MEMO1: variants seen among roughly 807,000 people sequenced by gnomAD.
The protein encoded by MEMO1 is mediator of cell motility 1, also known as protein MEMO1.
A neutral mutation model predicts 45.2 loss-of-function variants in MEMO1; 6 were observed. That is an observed-to-expected ratio of 0.13 (90% CI 0.07 to 0.26). The LOEUF (loss-of-function observed/expected upper bound fraction) is 0.26. Ranked by LOEUF, MEMO1 falls within the 10% of genes least tolerant of loss-of-function variation. MEMO1 has a pLI of 1.00. For synonymous variants in MEMO1, 78 were observed against 124.3 expected (o/e 0.63, Z 2.48); for missense variants, 184 against 370.5 (o/e 0.50, Z 4.13).
At chr2:31,916,329 A>C (rs1681439785) in intron 6 of MEMO1, among the ~76,000 whole-genome samples, 1 of 152,030 alleles carries the variant, frequency 6.6e-6, no homozygotes, top group African/African-American at 2.4e-5. Context: ...CCCAGGCTCA[A>C]GCAATCATCC....
intron 2 of MEMO1, among the ~76,000 whole-genome samples, chr2:31,972,864 T>C (rs563071234): frequency 6.6e-6 from 1 of 152,278 alleles, no homozygotes; most frequent in South Asian, 2.1e-4. Flanking sequence ...TAGACATTTC[T>C]CCAAGGAAGA....
At chr2:31,919,026 T>C (rs920112080) in intron 5 of MEMO1, among the ~76,000 whole-genome samples, 3 of 152,082 alleles carry the variant, frequency 2.0e-5, no homozygotes, top group African/African-American at 7.2e-5. Flanking sequence ...ATTGCTAATA[T>C]TGTGTGATAC....
intron 3 of MEMO1, among the ~76,000 whole-genome samples, chr2:31,937,557 T>C (rs1276719057): frequency 6.6e-6 from 1 of 152,208 alleles, no homozygotes; most frequent in East Asian, 1.9e-4. Context: ...AAACTTGTCT[T>C]CTATATACAC....
At chr2:31,923,752 A>T (rs1396255570) in intron 4 of MEMO1, 1 of 1,525,730 alleles carries the variant, frequency 6.6e-7, no homozygotes, top group Non-Finnish European at 8.8e-7. Flanking sequence ...ACACAGTCAA[A>T]ATATGAAGTG....
chr2:32,009,889 G>A (rs1435869803), intron 2 of MEMO1, among the ~76,000 whole-genome samples: 1 of 151,996 alleles, frequency 6.6e-6, no homozygotes, highest in African/African-American at 2.4e-5. Context: ...CCTTCCTCGA[G>A]CCTGGTCCTG....
intron 2 of MEMO1, among the ~76,000 whole-genome samples, chr2:31,986,543 T>G (rs1175350292): frequency 1.3e-5 from 2 of 152,218 alleles, no homozygotes; most frequent in Non-Finnish European, 2.9e-5. Context: ...AATAATTTTC[T>G]TTCATATATC....
rs571174166 is a variant in MEMO1 at position 31,886,005 on chromosome 2, A to G, written c.581-2543T>C. On this transcript the variant is annotated intron_variant, in intron 7 of 9. Coordinates refer to ENST00000404530, the MANE Select transcript of MEMO1 (RefSeq NM_001301833.4). ...TTTCACTTTTTAAAAACTGCTTCTG[A>G]AGGAAAAAAAGAGGAAATGTTTGAA... 3.9e-5 allele frequency among the ~76,000 whole-genome samples: 6 copies of G among 152,324 alleles called. No individual in the cohort carries two copies. The South Asian group carries it at 1.2e-3, about 32-fold the overall frequency.
chr2:31,910,636 G>A (rs761272151), intron 6 of MEMO1, among the ~76,000 whole-genome samples: 2 of 152,114 alleles, frequency 1.3e-5, no homozygotes, highest in African/African-American at 4.8e-5. Flanking sequence ...AAGACAGGAG[G>A]ATCACTTGAG....
At chr2:31,873,419 A>C (rs981646999) in intron 8 of MEMO1, among the ~76,000 whole-genome samples, 1 of 152,176 alleles carries the variant, frequency 6.6e-6, no homozygotes, top group African/African-American at 2.4e-5. Context: ...TGACTCTTCA[A>C]GTAATCAGTG....
chr2:31,929,898 T>A (rs1373181872), intron 4 of MEMO1, among the ~76,000 whole-genome samples: 1 of 152,246 alleles, frequency 6.6e-6, no homozygotes, highest in Non-Finnish European at 1.5e-5. Context: ...CTGTCAATTA[T>A]TAATTTTACA....
At chr2:31,890,880 G>A (rs1446950791) in intron 7 of MEMO1, among the ~76,000 whole-genome samples, 3 of 152,252 alleles carry the variant, frequency 2.0e-5, no homozygotes, top group African/African-American at 7.2e-5. Context: ...ATTATCAAAT[G>A]CCCCTGAGAG....
At chr2:31,999,291 C>T (rs902552135) in intron 2 of MEMO1, among the ~76,000 whole-genome samples, 1 of 152,104 alleles carries the variant, frequency 6.6e-6, no homozygotes, top group African/African-American at 2.4e-5. Flanking sequence ...TCACAGCAGC[C>T]AAGTAATTAT....
At chr2:31,933,353 ATATAT>A (rs1558514404) in intron 3 of MEMO1, among the ~76,000 whole-genome samples, 8 of 16,492 alleles carry the variant, frequency 4.9e-4, no homozygotes, top group South Asian at 3.2e-3. Flanking sequence ...AAAAAAATTT[ATATAT>A]ATATATATAT....
chr2:31,915,243 G>C (rs1681255475), intron 6 of MEMO1, among the ~76,000 whole-genome samples: 1 of 152,136 alleles, frequency 6.6e-6, no homozygotes, highest in Admixed American at 6.5e-5. Context: ...GTCATAGCAA[G>C]TAAGATTTCT....
At chr2:31,889,446 T>G (rs1305276780) in intron 7 of MEMO1, among the ~76,000 whole-genome samples, 8 of 152,072 alleles carry the variant, frequency 5.3e-5, no homozygotes, top group African/African-American at 1.9e-4. Flanking sequence ...AACCATTAAG[T>G]ATTATCTTCA....
At chr2:31,978,435 T>C (rs1001541940) in intron 2 of MEMO1, among the ~76,000 whole-genome samples, 2 of 152,118 alleles carry the variant, frequency 1.3e-5, no homozygotes, top group Non-Finnish European at 2.9e-5. Flanking sequence ...GCCTGGCATA[T>C]AGTAAAGGTT....
intron 6 of MEMO1, among the ~76,000 whole-genome samples, chr2:31,910,379 A>AT (rs1280818039): frequency 6.6e-6 from 1 of 152,164 alleles, no homozygotes; most frequent in Non-Finnish European, 1.5e-5. Flanking sequence ...ATTTTATTTC[A>AT]TTTTTTTCTT....
At chr2:31,899,860 G>A (rs971483486) in intron 6 of MEMO1, among the ~76,000 whole-genome samples, 34 of 152,302 alleles carry the variant, frequency 2.2e-4, no homozygotes, top group Admixed American at 3.9e-4. Context: ...CCATCAAAAA[G>A]TAGGCTAAAG....
chr2:31,983,591 T>C (rs750647875), intron 2 of MEMO1, among the ~76,000 whole-genome samples: 5 of 152,018 alleles, frequency 3.3e-5, no homozygotes, highest in African/African-American at 9.7e-5. Flanking sequence ...TGCACCACCA[T>C]ACCCGGCTAA....
Sources: gnomAD v4.1 joint callset for allele counts (sites outside exome capture counted in the v4.1 genomes callset) on GRCh38, gnomAD v4.1.1 for gene constraint, MANE v1.5 for transcripts, NCBI Gene and HGNC (gene_info 2026-07-23, HGNC 2026-07-21) for gene names.